The following PARD3 variants were observed in gnomAD, a reference collection of about 807,000 sequenced individuals.
PARD3 encodes partitioning defective 3 homolog.
Under a neutral mutation model 155.4 loss-of-function variants are expected in PARD3, and 75 were observed. That is an observed-to-expected ratio of 0.48 (90% CI 0.40 to 0.58). The LOEUF (loss-of-function observed/expected upper bound fraction) is 0.58. PARD3 is among the 20% of genes least tolerant of loss of function. The pLI is 0.00. For synonymous variants in PARD3, 576 were observed against 610.5 expected, an observed-to-expected ratio of 0.94 and a Z score of 0.83; for missense variants, 1,642 against 1,721.7, an observed-to-expected ratio of 0.95 and a Z score of 0.82.
chr10:34,269,081 T>C (rs1234150022), intron 22 of PARD3, among the ~76,000 whole-genome samples: 1 of 152,198 alleles, frequency 6.6e-6, no homozygotes, highest in African/African-American at 2.4e-5. Context: ...AAATAGCATG[T>C]ATCAATTAAA....
intron 20 of PARD3, among the ~76,000 whole-genome samples, chr10:34,293,247 C>T (rs1027928339): frequency 2.0e-5 from 3 of 152,084 alleles, no homozygotes; most frequent in African/African-American, 7.2e-5. Flanking sequence ...GATGCTGAAG[C>T]TTTTTGGACA....
chr10:34,537,367 A>G (rs1274086020), intron 2 of PARD3, among the ~76,000 whole-genome samples: 1 of 152,218 alleles, frequency 6.6e-6, no homozygotes, highest in Admixed American at 6.5e-5. Context: ...CTGGGTAAAG[A>G]AAATTAAAAA....
At chr10:34,768,426 G>C (rs949944400) in intron 1 of PARD3, among the ~76,000 whole-genome samples, 9 of 152,174 alleles carry the variant, frequency 5.9e-5, no homozygotes, top group African/African-American at 2.2e-4. Flanking sequence ...ACAACTGGAA[G>C]TTGGGAAGGG....
intron 2 of PARD3, among the ~76,000 whole-genome samples, chr10:34,652,957 G>C (rs944903590): frequency 6.6e-6 from 1 of 152,080 alleles, no homozygotes; most frequent in Non-Finnish European, 1.5e-5. Flanking sequence ...ACATTTAAAC[G>C]GAAGTGCTCA....
chr10:34,499,543 T>C (rs1430756668), intron 3 of PARD3, among the ~76,000 whole-genome samples: 2 of 151,188 alleles, frequency 1.3e-5, no homozygotes, highest in Non-Finnish European at 2.9e-5. Context: ...AAATATTTCC[T>C]CAGTGTAAAA....
chr10:34,449,013 G>A (rs2132764936), intron 5 of PARD3, among the ~76,000 whole-genome samples: 1 of 150,814 alleles, frequency 6.6e-6, no homozygotes, highest in East Asian at 2.0e-4. Context: ...CTGCCTCCCG[G>A]GTTCACGCCA....
At chr10:34,784,642 G>A (rs1226605810) in intron 1 of PARD3, among the ~76,000 whole-genome samples, 1 of 152,132 alleles carries the variant, frequency 6.6e-6, no homozygotes, top group Non-Finnish European at 1.5e-5. Flanking sequence ...TTGCCATGTT[G>A]GCCAGGCTGG....
chr10:34,373,183 A>G (rs760408641), intron 11 of PARD3, among the ~76,000 whole-genome samples: 4 of 152,052 alleles, frequency 2.6e-5, no homozygotes, highest in Non-Finnish European at 4.4e-5. Context: ...CTCCCTTTAA[A>G]TTTTCAGGAT....
At chr10:34,212,391 C>A (rs572140647) in intron 22 of PARD3, among the ~76,000 whole-genome samples, 1 of 152,094 alleles carries the variant, frequency 6.6e-6, no homozygotes, top group East Asian at 1.9e-4. Context: ...CTAGCCCGAC[C>A]CCTGACAGCA....
At position 34,736,530 on chromosome 10, in the gene PARD3, A is replaced by C. The variant is rs577598712; in HGVS notation, c.121-40111T>G. Among the ~76,000 whole-genome samples the C allele has an allele frequency of 2.6e-5, 4 of 152,166 alleles. No homozygotes were observed. The East Asian group carries it at 7.7e-4, about 29-fold the overall frequency. ...TCATCAGCAGACAAAGCTATAAAAGAAATGAAACAAAAATAGATCACTTGA... is the reference window on the plus strand; with the variant it reads ...TCATCAGCAGACAAAGCTATAAAAGCAATGAAACAAAAATAGATCACTTGA... On this transcript the variant is annotated intron_variant, in intron 1 of 24. Transcript: ENST00000374788.
intron 1 of PARD3, among the ~76,000 whole-genome samples, chr10:34,754,838 A>G (rs1836505299): frequency 1.3e-5 from 2 of 152,230 alleles, no homozygotes. Context: ...AACGACATTT[A>G]TGAGTAACTA....
chr10:34,546,223 G>A (rs2084041105), intron 2 of PARD3, among the ~76,000 whole-genome samples: 1 of 151,946 alleles, frequency 6.6e-6, no homozygotes, highest in African/African-American at 2.4e-5. Flanking sequence ...CAGTTAAAAT[G>A]TGGCAAATTT....
chr10:34,312,327 G>C (rs1406498871), intron 20 of PARD3: 1 of 1,610,564 alleles, frequency 6.2e-7, no homozygotes, highest in Non-Finnish European at 8.5e-7. Context: ...TGCTGTTCAA[G>C]ACATGTTTTG....
chr10:34,534,401 A>C (rs1317917704), intron 2 of PARD3, among the ~76,000 whole-genome samples: 4 of 152,114 alleles, frequency 2.6e-5, no homozygotes, highest in African/African-American at 9.7e-5. Flanking sequence ...GAAGAGCGGC[A>C]GGAGAAATTT....
At chr10:34,725,153 CAGAGAGAGAGAG>C (rs34163907) in intron 1 of PARD3, among the ~76,000 whole-genome samples, 1 of 127,466 alleles carries the variant, frequency 7.8e-6, no homozygotes, top group Admixed American at 7.6e-5. Flanking sequence ...GTGTGTGTGA[CAGAGAGAGAGAG>C]AGAGAGAGAC....
chr10:34,199,144 C>T (rs1951090946), intron 22 of PARD3, among the ~76,000 whole-genome samples: 2 of 152,156 alleles, frequency 1.3e-5, no homozygotes, highest in African/African-American at 2.4e-5. Flanking sequence ...AGGATCCAAT[C>T]AGATCGTGCC....
rs575465355 is a variant in PARD3, at chr10:34,409,173, A to G, written c.715-7256T>C. Among the ~76,000 whole-genome samples, 16 of 152,322 alleles carry G rather than the reference A, an allele frequency of 1.1e-4. No individual in the cohort carries two copies. In the East Asian group the frequency reaches 3.1e-3, roughly 29 times the overall value. On this transcript the variant is annotated intron_variant, in intron 5 of 24. Coordinates refer to ENST00000374788, the MANE Select transcript of PARD3 (RefSeq NM_001184785.2). ...AATGAAATGCCTCCCGTCTTGATACATATACAACATGACTCCATACAACCA... is the reference window on the plus strand; with the variant it reads ...AATGAAATGCCTCCCGTCTTGATACGTATACAACATGACTCCATACAACCA...
intron 23 of PARD3, among the ~76,000 whole-genome samples, chr10:34,121,422 C>T (rs898185445): frequency 3.9e-5 from 6 of 152,204 alleles, no homozygotes; most frequent in Non-Finnish European, 5.9e-5. Context: ...CAGGCATAGT[C>T]TGAGTGAGGA....
In PARD3 at chr10:34,473,531, A is replaced by T. The variant is rs200725901; in HGVS notation, c.404-3268T>A. ...GTGAGATCCTGTCTCTACAAAAAAT[A>T]AAAAAAAAAAAAATAGACAACTGTG... is the stretch of plus-strand genomic sequence containing the variant. On this transcript the variant is annotated intron_variant, in intron 3 of 24. Coordinates refer to ENST00000374788, the MANE Select transcript of PARD3 (RefSeq NM_001184785.2). Among the ~76,000 whole-genome samples the T allele has an allele frequency of 2.4e-4, 10 of 41,004 alleles. No individual in the cohort carries two copies. The African/African-American group carries it at 2.5e-3, about 10-fold the overall frequency. The allele number at this position is 41,004 out of a possible 152,430, so 26.9% of individuals were successfully genotyped here.
Sources: gnomAD v4.1 joint callset for allele counts (sites outside exome capture counted in the v4.1 genomes callset) on GRCh38, gnomAD v4.1.1 for gene constraint, MANE v1.5 for transcripts, NCBI Gene and HGNC (gene_info 2026-07-23, HGNC 2026-07-21) for gene names.